MARCHF6: variants seen among roughly 807,000 people sequenced by gnomAD.
The protein encoded by MARCHF6 is E3 ubiquitin-protein ligase MARCHF6.
Under a neutral mutation model 133.7 loss-of-function variants are expected in MARCHF6, and 31 were observed. The ratio of observed to expected loss-of-function variants is 0.23; its 90% CI spans 0.17 to 0.31. MARCHF6 has a LOEUF of 0.31. Among genes scored for constraint, MARCHF6 ranks in the 10% least tolerant of loss-of-function variants. The probability of loss-of-function intolerance (pLI) is 1.00; values close to 1 mark genes in which losing one functional copy is unlikely to be tolerated. For synonymous variants in MARCHF6, 395 were observed against 402.5 expected (o/e 0.98, Z 0.22); for missense variants, 723 against 1,121.6 (o/e 0.64, Z 5.08).
intron 22 of MARCHF6, among the ~76,000 whole-genome samples, chr5:10,420,322 G>C (rs146409830): frequency 6.9e-4 from 105 of 152,330 alleles, no homozygotes; most frequent in African/African-American, 2.5e-3. Flanking sequence ...CCTACCACAT[G>C]ATGGGAAAAT....
rs1468608232 is a variant in MARCHF6, at chr5:10,429,931, A to G, written c.2545A>G (p.Ile849Val). Residue 849 changes from isoleucine (I) to valine (V), a missense_variant, in exon 25 of 26, where the codon ATT becomes GTT. Physicochemically the swap from Ile to Val is conservative, Grantham distance 29. Coordinates refer to ENST00000274140, the MANE Select transcript of MARCHF6 (RefSeq NM_005885.4). ...AATGCAAAACTTAGTCCATCGGCGG[A>G]TTTATCCATTTTTACTGATGGTCGT... ...AEMQNLVHRRIYPFLLMVVVL... is the reference protein window; with the variant it reads ...AEMQNLVHRRVYPFLLMVVVL... 1.9e-6 allele frequency: 3 copies of G among 1,613,184 alleles called. No homozygotes were observed. The highest frequency in any genetic ancestry group is 2.5e-6 in the Non-Finnish European group (3 of 1,179,430).
At chr5:10,417,646 G>A (rs1739582169) in intron 22 of MARCHF6, among the ~76,000 whole-genome samples, 1 of 149,718 alleles carries the variant, frequency 6.7e-6, no homozygotes, top group South Asian at 2.1e-4. Context: ...GATCACAGGA[G>A]GTTGAGGCTG....
intron 2 of MARCHF6, among the ~76,000 whole-genome samples, chr5:10,378,430 G>A (rs1021099390): frequency 9.2e-5 from 14 of 152,188 alleles, no homozygotes; most frequent in African/African-American, 3.4e-4. Flanking sequence ...TTCAGACCTA[G>A]CTACCAGGTA....
chr5:10,377,927 T>C, intron 2 of MARCHF6, 33 bp downstream of exon 2: 1 of 1,323,232 alleles, frequency 7.6e-7, no homozygotes, highest in African/African-American at 1.4e-5. Flanking sequence ...TATGTAAGTC[T>C]GAGCTTCAGT....
At chr5:10,432,899 CTTTT>C (rs752051489) in intron 25 of MARCHF6, among the ~76,000 whole-genome samples, 1 of 136,202 alleles carries the variant, frequency 7.3e-6, no homozygotes, top group Non-Finnish European at 1.6e-5. Context: ...TCCCTTCCTA[CTTTT>C]TTTTTTTTTT....
At chr5:10,378,115 T>C (rs547917108) in intron 2 of MARCHF6, among the ~76,000 whole-genome samples, 1 of 152,344 alleles carries the variant, frequency 6.6e-6, no homozygotes, top group Non-Finnish European at 1.5e-5. Flanking sequence ...GTTATTTTGG[T>C]GTATCCTCTT....
intron 17 of MARCHF6, among the ~76,000 whole-genome samples, chr5:10,407,819 G>A (rs1738992587): frequency 6.6e-6 from 1 of 152,162 alleles, no homozygotes; most frequent in Non-Finnish European, 1.5e-5. Flanking sequence ...AGCCATGCGT[G>A]GTGGCGCATG....
chr5:10,375,874 A>T (rs1736747683), intron 1 of MARCHF6, among the ~76,000 whole-genome samples: 1 of 152,048 alleles, frequency 6.6e-6, no homozygotes, highest in African/African-American at 2.4e-5. Flanking sequence ...AAGGTTTGTG[A>T]GTGCACCAAT....
At chr5:10,406,098 G>A (rs1037821740) in intron 16 of MARCHF6, among the ~76,000 whole-genome samples, 11 of 152,154 alleles carry the variant, frequency 7.2e-5, no homozygotes, top group Admixed American at 2.0e-4. Context: ...CTGCGAGTGC[G>A]AGGGATCCAG....
At chr5:10,409,087 C>G (rs1739080003) in intron 17 of MARCHF6, among the ~76,000 whole-genome samples, 1 of 152,066 alleles carries the variant, frequency 6.6e-6, no homozygotes, top group African/African-American at 2.4e-5. Flanking sequence ...GCCCAAAGTG[C>G]TGGGATTATA....
intron 22 of MARCHF6, chr5:10,421,887 C>T: frequency 6.6e-6 from 1 of 152,224 alleles, no homozygotes; most frequent in East Asian, 1.9e-4. Flanking sequence ...GCCCAAGCCT[C>T]CTTGAGGCTG....
At chr5:10,393,368 C>T (rs958753692) in intron 7 of MARCHF6, among the ~76,000 whole-genome samples, 1 of 152,174 alleles carries the variant, frequency 6.6e-6, no homozygotes, top group Admixed American at 6.5e-5. Context: ...AGCCATTGTG[C>T]CCAGCCTAGA....
At chr5:10,386,360 T>G (rs1055099085) in intron 4 of MARCHF6, among the ~76,000 whole-genome samples, 1 of 152,248 alleles carries the variant, frequency 6.6e-6, no homozygotes, top group African/African-American at 2.4e-5. Flanking sequence ...TTTTCAAATC[T>G]GTGGTCTGTT....
At chr5:10,388,567 G>A (rs1240727242) in intron 5 of MARCHF6, among the ~76,000 whole-genome samples, 1 of 152,148 alleles carries the variant, frequency 6.6e-6, no homozygotes, top group Admixed American at 6.5e-5. Flanking sequence ...GCTCAGCTGA[G>A]CTTTTCATCT....
intron 3 of MARCHF6, among the ~76,000 whole-genome samples, chr5:10,381,002 G>A (rs891058789): frequency 6.6e-6 from 1 of 151,636 alleles, no homozygotes; most frequent in African/African-American, 2.4e-5. Context: ...TTTTGTGATA[G>A]TGTTCTTATA....
chr5:10,431,819 A>G (rs1389756469), intron 25 of MARCHF6, among the ~76,000 whole-genome samples: 2 of 152,208 alleles, frequency 1.3e-5, no homozygotes, highest in East Asian at 1.9e-4. Context: ...TGTCATTGCC[A>G]TAATGCTGAC....
At chr5:10,393,778 A>G (rs946862139) in intron 7 of MARCHF6, among the ~76,000 whole-genome samples, 1 of 152,138 alleles carries the variant, frequency 6.6e-6, no homozygotes, top group Non-Finnish European at 1.5e-5. Context: ...CTTTTCTCAA[A>G]TCTGCCAGAT....
intron 19 of MARCHF6, among the ~76,000 whole-genome samples, chr5:10,412,377 T>C (rs1190573000): frequency 1.3e-5 from 2 of 152,208 alleles, no homozygotes; most frequent in Non-Finnish European, 1.5e-5. Context: ...GTGGGTGCTG[T>C]GACTCCTTCA....
chr5:10,364,262 T>A (rs554408089), intron 1 of MARCHF6, among the ~76,000 whole-genome samples: 2 of 152,292 alleles, frequency 1.3e-5, no homozygotes, highest in South Asian at 4.1e-4. Context: ...GGTACACCAC[T>A]TCTTCTGGGG....
Sources: allele counts gnomAD v4.1 joint callset (sites outside exome capture counted in the v4.1 genomes callset), GRCh38; gene constraint gnomAD v4.1.1; transcripts MANE v1.5; gene names NCBI Gene and HGNC (gene_info 2026-07-23, HGNC 2026-07-21).